DNAJC7: variants seen among roughly 807,000 people sequenced by gnomAD.
DNAJC7 encodes DnaJ heat shock protein family (Hsp40) member C7.
Under a neutral mutation model 67.4 loss-of-function variants are expected in DNAJC7, and 18 were observed. That is an observed-to-expected ratio of 0.27 (90% CI 0.18 to 0.40). DNAJC7 has a LOEUF of 0.40. Ranked by LOEUF, DNAJC7 falls within the 10% of genes least tolerant of loss-of-function variation. DNAJC7 has a pLI of 1.00. For synonymous variants in DNAJC7, 220 were observed against 207.8 expected (o/e 1.06, Z -0.50); for missense variants, 419 against 613.8 (o/e 0.68, Z 3.35).
intron 12 of DNAJC7, 133 bp from the exon 13 acceptor site, chr17:41,977,456 C>G (rs782149692): frequency 1.0e-5 from 8 of 777,956 alleles, no homozygotes; most frequent in African/African-American, 1.7e-5. Flanking sequence ...TTTCCCAACA[C>G]TTCAGACTGC....
At chr17:41,997,432 CAAA>C (rs550691498) in intron 2 of DNAJC7, among the ~76,000 whole-genome samples, 193 bp from the exon 3 acceptor site, 2 of 118,352 alleles carry the variant, frequency 1.7e-5, no homozygotes. Context: ...TACTAAAATA[CAAA>C]AAAAAAAAAA....
At chr17:41,991,380 G>C (rs1301010114) in intron 5 of DNAJC7, among the ~76,000 whole-genome samples, 1 of 152,088 alleles carries the variant, frequency 6.6e-6, no homozygotes, top group Non-Finnish European at 1.5e-5. Flanking sequence ...TCATATAATG[G>C]AATACTATAT....
At chr17:41,997,027 C>A in intron 3 of DNAJC7, 88 bp downstream of exon 3, 1 of 1,586,528 alleles carries the variant, frequency 6.3e-7, no homozygotes, top group South Asian at 1.1e-5. Context: ...TCCCAAATGT[C>A]AGTAGTGTCA....
chr17:41,977,171 G>A, intron 13 of DNAJC7, 90 bp downstream of exon 13: 1 of 1,312,264 alleles, frequency 7.6e-7, no homozygotes, highest in South Asian at 1.3e-5. Flanking sequence ...CCCGCTCATG[G>A]GCCCCTCTGA....
At chr17:42,004,693 T>TC (rs1555649925) in intron 1 of DNAJC7, among the ~76,000 whole-genome samples, 1 of 152,210 alleles carries the variant, frequency 6.6e-6, no homozygotes, top group African/African-American at 2.4e-5. Context: ...ATTCATGGTC[T>TC]CCTTTGCTAT....
intron 1 of DNAJC7, among the ~76,000 whole-genome samples, chr17:42,003,188 T>G (rs1185517374): frequency 6.6e-6 from 1 of 152,172 alleles, no homozygotes; most frequent in African/African-American, 2.4e-5. Flanking sequence ...AGGACTTATT[T>G]TCATAGAAAC....
At chr17:41,976,791 T>C (rs945125252) in intron 13 of DNAJC7, 21 bp from the exon 14 acceptor site, 2 of 1,606,740 alleles carry the variant, frequency 1.2e-6, no homozygotes, top group African/African-American at 2.7e-5. Context: ...AAAGAGGGGT[T>C]GGTAGTTGGC....
At chr17:42,003,513 C>G (rs1567967318) in intron 1 of DNAJC7, 1 of 152,152 alleles carries the variant, frequency 6.6e-6, no homozygotes, top group South Asian at 2.1e-4. Flanking sequence ...TTCAAGTTGC[C>G]TTTACAGCAA....
Position 42,017,357 on chromosome 17 carries a change from G to C in DNAJC7, c.60C>G (p.Asp20Glu), listed in dbSNP as rs782077355. The part of the protein sequence containing the change: ...VMAATEPELL[D>E]DQEAKREAET... ...CCGGTTACCTCTTCGCCTCTTGGTC[G>C]TCGAGCAGCTCCGGCTCGGTCGCCG... is the stretch of plus-strand genomic sequence containing the variant. Residue 20 changes from aspartate to glutamate, a missense_variant, in exon 1 of 14, where the codon GAC becomes GAG. Coordinates refer to ENST00000457167, the MANE Select transcript of DNAJC7 (RefSeq NM_003315.4). The C allele has an allele frequency of 2.2e-5, 36 of 1,611,378 alleles. No individual in the cohort carries two copies. The highest frequency in any genetic ancestry group is 9.3e-6 in the Non-Finnish European group (11 of 1,179,878).
At chr17:41,981,005 GC>G (rs1357945980) in intron 12 of DNAJC7, among the ~76,000 whole-genome samples, 6 of 151,806 alleles carry the variant, frequency 4.0e-5, no homozygotes, top group African/African-American at 1.5e-4. Flanking sequence ...CCTAGACCAA[GC>G]CCCCTGCAGA....
Position 41,997,304 on chromosome 17 carries a change from G to T in DNAJC7, c.167-65C>A, listed in dbSNP as rs114238579. 5,442 of 1,562,680 alleles carry T rather than the reference G, an allele frequency of 3.5e-3. 163 individuals carry two copies. In the African/African-American group the frequency reaches 0.065, roughly 19 times the overall value. ...CAGGTCCCTGCTTTGAAAACTTAGA[G>T]GGGGCTGGGCGCAGTGGCTCATGCC... On this transcript the variant is annotated intron_variant, in intron 2 of 13. Coordinates refer to ENST00000457167, the MANE Select transcript of DNAJC7 (RefSeq NM_003315.4).
At chr17:41,992,546 C>T (rs1246300877) in intron 5 of DNAJC7, 1 of 152,058 alleles carries the variant, frequency 6.6e-6, no homozygotes, top group East Asian at 1.9e-4. Flanking sequence ...CTGTCCTGCC[C>T]CCCCAGATGG....
At chr17:41,991,198 G>C (rs1555647730) in intron 5 of DNAJC7, among the ~76,000 whole-genome samples, 1 of 152,166 alleles carries the variant, frequency 6.6e-6, no homozygotes. Flanking sequence ...GAGCCTTGCT[G>C]AATCACATTC....
At position 41,996,295 on chromosome 17, in the gene DNAJC7, AG is replaced by A. The variant is rs2051656627; in HGVS notation, c.405+15del. 1 of 1,612,240 alleles carries A rather than the reference AG, an allele frequency of 6.2e-7. No homozygotes were observed. Among genetic ancestry groups the A allele is most frequent in the East Asian group, 2.2e-5 (1 of 44,872 alleles). The stretch of plus-strand genomic sequence containing the variant: ...CCATACTGCCTCTTTTGACAGAAAC[AG>A]GATCAGACCCGTACCTCTTGTTGTG... On this transcript the variant is annotated intron_variant, in intron 4 of 13. Transcript: ENST00000457167.
chr17:42,000,659 G>A (rs1030711800), intron 1 of DNAJC7, 89 bp from the exon 2 acceptor site: 44 of 941,318 alleles, frequency 4.7e-5, no homozygotes, highest in Admixed American at 1.2e-4. Flanking sequence ...TCTAGAGCCC[G>A]CAGCACACTG....
intron 1 of DNAJC7, chr17:42,013,576 G>A (rs1555651385): frequency 6.6e-6 from 1 of 152,194 alleles, no homozygotes; most frequent in Non-Finnish European, 1.5e-5. Context: ...AACAACAGAG[G>A]CAGGAACTTG....
intron 1 of DNAJC7, among the ~76,000 whole-genome samples, chr17:42,008,060 C>G (rs1555650584): frequency 6.6e-6 from 1 of 151,506 alleles, no homozygotes; most frequent in East Asian, 2.0e-4. Context: ...TGTCTATAAT[C>G]CCAGCACTTT....
At chr17:41,987,936 C>T in intron 8 of DNAJC7, 26 bp from the exon 9 acceptor site, 1 of 1,588,646 alleles carries the variant, frequency 6.3e-7, no homozygotes, top group African/African-American at 1.3e-5. Context: ...AGCAATCATA[C>T]TTCACACCTT....
chr17:41,999,744 C>G (rs1264399106), intron 2 of DNAJC7, among the ~76,000 whole-genome samples: 1 of 152,182 alleles, frequency 6.6e-6, no homozygotes, highest in Non-Finnish European at 1.5e-5. Context: ...GTCTCAAACT[C>G]CTGACTTTAG....
Sources: gnomAD v4.1 joint callset for allele counts (sites outside exome capture counted in the v4.1 genomes callset) on GRCh38, gnomAD v4.1.1 for gene constraint, MANE v1.5 for transcripts, NCBI Gene and HGNC (gene_info 2026-07-23, HGNC 2026-07-21) for gene names.